STARD13: variants seen among roughly 807,000 people sequenced by gnomAD.
STARD13 encodes the protein StAR related lipid transfer domain containing 13, also known as stAR-related lipid transfer protein 13.
A neutral mutation model predicts 106.4 loss-of-function variants in STARD13; 62 were observed. That is an observed-to-expected ratio of 0.58 (90% CI 0.48 to 0.72). STARD13 has a LOEUF of 0.72. STARD13 is among the 30% of genes least tolerant of loss of function. STARD13 has a pLI of 0.00. For synonymous variants in STARD13, 565 were observed against 553.0 expected (o/e 1.02, Z -0.31); for missense variants, 1,387 against 1,424.0 (o/e 0.97, Z 0.42).
At chr13:33,578,683 G>A in the STARD13 span, among the ~76,000 whole-genome samples, 2 of 152,042 alleles carry the variant, frequency 1.3e-5, no homozygotes, top group South Asian at 4.2e-4. Context: ...CTTCTGCACA[G>A]CAAAAGAAAT....
chr13:33,245,239 T>A (rs1889763313), intron 1 of STARD13, among the ~76,000 whole-genome samples: 1 of 152,210 alleles, frequency 6.6e-6, no homozygotes, highest in African/African-American at 2.4e-5. Context: ...ATAAACTCAC[T>A]TGCTGGCAAA....
chr13:33,332,379 GT>G, intron 1 of STARD13, among the ~76,000 whole-genome samples: 1 of 152,276 alleles, frequency 6.6e-6, no homozygotes, highest in Admixed American at 6.5e-5. Flanking sequence ...CCAACCCCCA[GT>G]TTGATGGTAT....
chr13:33,477,795 T>C, the STARD13 span, among the ~76,000 whole-genome samples: 6 of 151,088 alleles, frequency 4.0e-5, no homozygotes, highest in South Asian at 1.3e-3. Flanking sequence ...AATTATCCAA[T>C]AGAATTTATG....
chr13:33,116,043 A>G (rs1428863626), intron 8 of STARD13, among the ~76,000 whole-genome samples: 1 of 152,194 alleles, frequency 6.6e-6, no homozygotes, highest in Non-Finnish European at 1.5e-5. Flanking sequence ...TGTAACTGGT[A>G]AGTCCCTCAA....
At chr13:33,161,694 T>G (rs1197343470) in intron 3 of STARD13, among the ~76,000 whole-genome samples, 5 of 152,124 alleles carry the variant, frequency 3.3e-5, no homozygotes, top group Non-Finnish European at 7.4e-5. Context: ...TCACTGAAAA[T>G]AGTCAATTTT....
rs1290050416 is a variant in STARD13 at position 33,130,401 on chromosome 13, C to G, written c.388-112G>C. The G allele has an allele frequency of 1.9e-6, 2 of 1,035,012 alleles. No homozygotes were observed. Among genetic ancestry groups the G allele is most frequent in the African/African-American group, 3.2e-5 (2 of 63,084 alleles). The allele number at this position is 1,035,012 out of a possible 1,614,324, so 64.1% of individuals were successfully genotyped here. A position where few individuals can be genotyped will look rare whatever the true frequency, so the allele number is the denominator to read the frequency against. On this transcript the variant is annotated intron_variant, in intron 4 of 13. Coordinates refer to ENST00000336934, the MANE Select transcript of STARD13 (RefSeq NM_178006.4). This position sits in a 1 kb window ranked among gnomAD's most constrained non-coding sequence, Gnocchi z 4.1. The stretch of plus-strand genomic sequence containing the variant: ...CCTCCACCTCCCTCCCCTCTGTCCT[C>G]CCATGCACAGGTGTGAGCTTCTTGG...
the STARD13 span, among the ~76,000 whole-genome samples, chr13:33,460,490 A>C: frequency 7.2e-6 from 1 of 139,680 alleles, no homozygotes; most frequent in African/African-American, 2.6e-5. Context: ...ACTCCATCTT[A>C]AAAAAAAAAA....
the STARD13 span, among the ~76,000 whole-genome samples, chr13:33,427,955 CAAAA>C: frequency 9.9e-6 from 1 of 100,920 alleles, no homozygotes; most frequent in Admixed American, 1.0e-4. Flanking sequence ...AACTCCGTCT[CAAAA>C]AAAAAAAAAA....
At position 33,105,580 on chromosome 13, in the gene STARD13, C is replaced by CA. The variant is rs751796117; in HGVS notation, c.*12dup. 1.6e-4 allele frequency: 257 copies of CA among 1,576,730 alleles called. No homozygotes were observed. The highest frequency in any genetic ancestry group is 2.1e-4 in the Non-Finnish European group (246 of 1,145,820). On this transcript the variant is annotated 3_prime_UTR_variant, in exon 14 of 14. Coordinates refer to ENST00000336934, the MANE Select transcript of STARD13 (RefSeq NM_178006.4). Reference sequence around the variant, plus strand: ...TTCCTCTTCCCTGAGTTTGATGTCACACTGGGCAAAACTCAGATTTTAGTT... The same window carrying CA: ...TTCCTCTTCCCTGAGTTTGATGTCACAACTGGGCAAAACTCAGATTTTAGTT...
chr13:33,118,466 G>C (rs533304453), intron 7 of STARD13, among the ~76,000 whole-genome samples: 150 of 152,334 alleles, frequency 9.8e-4, no homozygotes, highest in Non-Finnish European at 3.1e-4. Context: ...CCACCTCACA[G>C]GATTACTGTG....
At chr13:33,485,286 C>T in the STARD13 span, among the ~76,000 whole-genome samples, 1 of 152,118 alleles carries the variant, frequency 6.6e-6, no homozygotes, top group Admixed American at 6.5e-5. Context: ...TGAAATGTTC[C>T]ATGATGTTAC....
In STARD13 at chr13:33,314,694, T is replaced by A. The variant is rs536206539; in HGVS notation, c.124+35596A>T. 5.9e-5 allele frequency among the ~76,000 whole-genome samples: 9 copies of A among 152,324 alleles called. No homozygotes were observed. The South Asian group carries it at 1.9e-3, about 32-fold the overall frequency. Reference sequence around the variant, plus strand: ...AATGAGATCAGTATTATTATCCCTATGCTACAGACAAAGAAATGACCAGAA... The same window carrying A: ...AATGAGATCAGTATTATTATCCCTAAGCTACAGACAAAGAAATGACCAGAA... On this transcript the variant is annotated intron_variant, in intron 1 of 5. Coordinates refer to the STARD13 transcript ENST00000567873.
chr13:33,453,292 C>G, the STARD13 span, among the ~76,000 whole-genome samples: 1 of 152,190 alleles, frequency 6.6e-6, no homozygotes, highest in African/African-American at 2.4e-5. Context: ...TGGTCCCTGG[C>G]TTGTTCAGCT....
the STARD13 span, among the ~76,000 whole-genome samples, chr13:33,521,307 T>C: frequency 1.3e-5 from 2 of 152,092 alleles, no homozygotes; most frequent in Non-Finnish European, 2.9e-5. Context: ...GTACACTAGA[T>C]TGAAGAATTT....
At chr13:33,226,435 C>CTTTTTTTTTTTTTTTTTTTTTT (rs71196514) in intron 1 of STARD13, among the ~76,000 whole-genome samples, 1 of 130,250 alleles carries the variant, frequency 7.7e-6, no homozygotes, top group Non-Finnish European at 1.6e-5. Flanking sequence ...AAATTTAGTT[C>CTTTTTTTTTTTTTTTTTTTTTT]TTTTTTTTTT....
the STARD13 span, among the ~76,000 whole-genome samples, chr13:33,473,897 C>G: frequency 7.9e-5 from 12 of 152,284 alleles, no homozygotes; most frequent in Non-Finnish European, 1.5e-4. Context: ...AAAGGAATTT[C>G]TGTTTGCAGG....
chr13:33,153,242 C>T (rs575794342), intron 3 of STARD13, among the ~76,000 whole-genome samples: 1 of 152,328 alleles, frequency 6.6e-6, no homozygotes, highest in Non-Finnish European at 1.5e-5. Context: ...ATACCACTGA[C>T]TAAGATGCCA....
chr13:33,352,227 G>A (rs896907031), upstream of STARD13, among the ~76,000 whole-genome samples: 7 of 152,246 alleles, frequency 4.6e-5, no homozygotes, highest in African/African-American at 1.7e-4. Flanking sequence ...TCCATCCTCT[G>A]CTTTGTATGC....
chr13:33,608,247 G>T, the STARD13 span, among the ~76,000 whole-genome samples: 4 of 152,190 alleles, frequency 2.6e-5, no homozygotes, highest in African/African-American at 9.7e-5. Context: ...AGAACTTATT[G>T]AGAGATGCAT....
Sources: allele counts gnomAD v4.1 joint callset (sites outside exome capture counted in the v4.1 genomes callset), GRCh38; gene constraint gnomAD v4.1.1; non-coding constraint Gnocchi (gnomAD v3.1); transcripts MANE v1.5; gene names NCBI Gene and HGNC (gene_info 2026-07-23, HGNC 2026-07-21).